SH3RF3: variants seen among roughly 807,000 people sequenced by gnomAD.
The protein encoded by SH3RF3 is E3 ubiquitin-protein ligase SH3RF3.
In SH3RF3, 29 loss-of-function variants were observed where a neutral mutation model predicts 66.3. The ratio of observed to expected loss-of-function variants is 0.44; its 90% confidence interval spans 0.33 to 0.60. The LOEUF (loss-of-function observed/expected upper bound fraction) is 0.60. SH3RF3 is among the 20% of genes least tolerant of loss of function. The probability of loss-of-function intolerance (pLI) is 0.04; values close to 1 mark genes in which losing one functional copy is unlikely to be tolerated. For missense variants in SH3RF3, 1,194 were observed against 1,190.9 expected (o/e 1.00, Z -0.04); for synonymous variants, 583 against 532.0 (o/e 1.10, Z -1.32).
chr2:109,144,104 G>T (rs1196539807), intron 1 of SH3RF3, among the ~76,000 whole-genome samples: 2 of 152,204 alleles, frequency 1.3e-5, no homozygotes, highest in Non-Finnish European at 2.9e-5. Context: ...TAAGATGAAT[G>T]AATTCTGGAG....
At chr2:109,166,154 T>C (rs931445640) in intron 1 of SH3RF3, among the ~76,000 whole-genome samples, 1 of 152,122 alleles carries the variant, frequency 6.6e-6, no homozygotes, top group African/African-American at 2.4e-5. Context: ...TTAATATGGT[T>C]GGCTTTTTCC....
chr2:109,162,826 C>T (rs1384460089), intron 1 of SH3RF3, among the ~76,000 whole-genome samples: 2 of 152,120 alleles, frequency 1.3e-5, no homozygotes, highest in Non-Finnish European at 2.9e-5. Context: ...AATGTTTAGC[C>T]CCTTGGCTGG....
chr2:109,367,119 A>ATTTTTTTT (rs150005222), intron 2 of SH3RF3, among the ~76,000 whole-genome samples: 3 of 113,290 alleles, frequency 2.6e-5, no homozygotes, highest in Non-Finnish European at 3.5e-5. Context: ...TGCCCTGGTA[A>ATTTTTTTT]TTTTTTTTTT....
intron 1 of SH3RF3, among the ~76,000 whole-genome samples, chr2:109,250,316 G>A (rs1200369217): frequency 1.3e-5 from 2 of 151,992 alleles, no homozygotes; most frequent in African/African-American, 2.4e-5. Context: ...CAGAGCCAAC[G>A]TGGGGGTTTC....
At chr2:109,219,876 ATC>A (rs1467474736) in intron 1 of SH3RF3, among the ~76,000 whole-genome samples, 2 of 152,188 alleles carry the variant, frequency 1.3e-5, no homozygotes, top group Non-Finnish European at 2.9e-5. Flanking sequence ...ATTCAGGGCA[ATC>A]TCTATCAAAA....
At chr2:109,401,812 G>C (rs1258326625) in intron 4 of SH3RF3, among the ~76,000 whole-genome samples, 1 of 152,200 alleles carries the variant, frequency 6.6e-6, no homozygotes, top group Admixed American at 6.5e-5. Flanking sequence ...ACCTTTCTAA[G>C]CTCTCTGCAG....
intron 8 of SH3RF3, among the ~76,000 whole-genome samples, chr2:109,478,680 G>A (rs973024854): frequency 7.9e-5 from 12 of 152,146 alleles, no homozygotes; most frequent in Non-Finnish European, 1.5e-4. Flanking sequence ...CAAAAATACG[G>A]TGTGGTGGGG....
rs183232020 is a variant in SH3RF3 at position 109,334,065 on chromosome 2, A to G, written c.574-13609A>G. Among the ~76,000 whole-genome samples, 295 of 152,344 alleles carry G rather than the reference A, an allele frequency of 1.9e-3. 2 individuals are homozygous for G. The highest frequency in any genetic ancestry group is 5.1e-3 in the Admixed American group (78 of 15,302). On this transcript the variant is annotated intron_variant, in intron 1 of 9. Transcript: ENST00000309415. ...AAATCACAGACAGTTGTGCATTTGA[A>G]GATCACCTCAAAACCAGGTTCAGAG...
chr2:109,157,375 A>G (rs1450636671), intron 1 of SH3RF3, among the ~76,000 whole-genome samples: 2 of 152,184 alleles, frequency 1.3e-5, no homozygotes, highest in Non-Finnish European at 2.9e-5. Context: ...ATAGACTCCC[A>G]CGTGCCATCC....
intron 4 of SH3RF3, among the ~76,000 whole-genome samples, chr2:109,399,871 A>C (rs978797523): frequency 6.6e-6 from 1 of 152,172 alleles, no homozygotes; most frequent in Non-Finnish European, 1.5e-5. Flanking sequence ...ACTGTGGCAG[A>C]TGTCCATGGG....
intron 8 of SH3RF3, among the ~76,000 whole-genome samples, chr2:109,479,840 C>T (rs770911394): frequency 6.6e-6 from 1 of 152,136 alleles, no homozygotes; most frequent in Non-Finnish European, 1.5e-5. Context: ...ATGAAGACCC[C>T]GGGACTCACT....
At chr2:109,248,388 G>A (rs1477469024) in intron 1 of SH3RF3, among the ~76,000 whole-genome samples, 3 of 152,090 alleles carry the variant, frequency 2.0e-5, no homozygotes, top group Non-Finnish European at 4.4e-5. Context: ...TCATGATTAT[G>A]TGTTATCGCT....
chr2:109,456,151 C>T (rs1304928122), intron 8 of SH3RF3, among the ~76,000 whole-genome samples: 3 of 152,202 alleles, frequency 2.0e-5, no homozygotes, highest in Non-Finnish European at 4.4e-5. Context: ...TCATGGTCAG[C>T]CATGGGCCAT....
chr2:109,210,431 G>A (rs1678946608), intron 1 of SH3RF3, among the ~76,000 whole-genome samples: 2 of 152,228 alleles, frequency 1.3e-5, no homozygotes, highest in African/African-American at 2.4e-5. Flanking sequence ...AGCACAGTGA[G>A]GCTACATGTT....
chr2:109,203,780 A>G (rs1419021807), intron 1 of SH3RF3, among the ~76,000 whole-genome samples: 1 of 151,968 alleles, frequency 6.6e-6, no homozygotes, highest in Non-Finnish European at 1.5e-5. Context: ...CCCTCGGTCC[A>G]TCCATTCCTG....
chr2:109,151,232 T>G lies in SH3RF3; in HGVS notation c.573+21119T>G, dbSNP rs547291471. Among the ~76,000 whole-genome samples, 4 of 152,342 alleles carry G rather than the reference T, an allele frequency of 2.6e-5. No individual in the cohort carries two copies. In the South Asian group the frequency reaches 6.2e-4, roughly 24 times the overall value. Reference sequence around the variant, plus strand: ...AGGACACTGAGGTATCTGTGCTGTCTTCTTGTCCGAGGCTTTTTCATGTTT... The same window carrying G: ...AGGACACTGAGGTATCTGTGCTGTCGTCTTGTCCGAGGCTTTTTCATGTTT... On this transcript the variant is annotated intron_variant, in intron 1 of 9. Coordinates refer to ENST00000309415, the MANE Select transcript of SH3RF3 (RefSeq NM_001099289.3).
intron 1 of SH3RF3, among the ~76,000 whole-genome samples, chr2:109,189,315 C>G (rs1678279828): frequency 6.6e-6 from 1 of 152,046 alleles, no homozygotes; most frequent in Non-Finnish European, 1.5e-5. Flanking sequence ...CCTGACACCC[C>G]CCACCATCTA....
At chr2:109,363,986 T>G (rs925396624) in intron 2 of SH3RF3, among the ~76,000 whole-genome samples, 1 of 152,214 alleles carries the variant, frequency 6.6e-6, no homozygotes, top group Non-Finnish European at 1.5e-5. Context: ...TTCCTGGATC[T>G]GTGGTTTGGT....
chr2:109,384,218 G>C (rs1675766011), intron 3 of SH3RF3, among the ~76,000 whole-genome samples: 1 of 152,214 alleles, frequency 6.6e-6, no homozygotes, highest in South Asian at 2.1e-4. Context: ...CGGGGATGCA[G>C]CCTGAATGAA....
Sources: gnomAD v4.1 joint callset for allele counts (sites outside exome capture counted in the v4.1 genomes callset) on GRCh38, gnomAD v4.1.1 for gene constraint, MANE v1.5 for transcripts, NCBI Gene and HGNC (gene_info 2026-07-23, HGNC 2026-07-21) for gene names.